The following CHST9 variants were observed in gnomAD, a reference collection of about 807,000 sequenced individuals.
CHST9 encodes the protein carbohydrate sulfotransferase 9, also known as GalNAc-4-sulfotransferase 2.
Under a neutral mutation model 44.4 loss-of-function variants are expected in CHST9, and 41 were observed. The ratio of observed to expected loss-of-function variants is 0.92; its 90% CI spans 0.72 to 1.20. The LOEUF (loss-of-function observed/expected upper bound fraction) is 1.20. Among genes scored for constraint, CHST9 ranks in the 50% most tolerant of loss-of-function variants. The pLI, the probability that CHST9 is intolerant of heterozygous loss-of-function variation, is 0.00. For missense variants in CHST9, 504 were observed against 516.5 expected (o/e 0.98, Z 0.23); for synonymous variants, 171 against 178.4 (o/e 0.96, Z 0.33).
chr18:27,157,338 G>T (rs896450349), intron 1 of CHST9, among the ~76,000 whole-genome samples: 1 of 152,104 alleles, frequency 6.6e-6, no homozygotes, highest in Non-Finnish European at 1.5e-5. Flanking sequence ...CTAGAAGTAT[G>T]TGTATATTCT....
intron 2 of CHST9, among the ~76,000 whole-genome samples, chr18:27,054,202 CT>C (rs1422230962): frequency 2.6e-5 from 4 of 152,102 alleles, no homozygotes; most frequent in African/African-American, 9.7e-5. Context: ...AAGAATAGAG[CT>C]TTTAGCAGGT....
intron 4 of CHST9, among the ~76,000 whole-genome samples, chr18:27,005,898 GA>G (rs1029155679): frequency 6.6e-6 from 1 of 152,152 alleles, no homozygotes; most frequent in Non-Finnish European, 1.5e-5. Context: ...CCACTTCTGG[GA>G]TGGAAACAAA....
chr18:27,072,803 C>T (rs1568160892), intron 2 of CHST9, among the ~76,000 whole-genome samples: 1 of 152,050 alleles, frequency 6.6e-6, no homozygotes, highest in Non-Finnish European at 1.5e-5. Flanking sequence ...AGAAGTATGC[C>T]TTATTAAGAC....
At chr18:27,157,279 C>G (rs1248299646) in intron 1 of CHST9, among the ~76,000 whole-genome samples, 1 of 151,994 alleles carries the variant, frequency 6.6e-6, no homozygotes, top group Admixed American at 6.6e-5. Flanking sequence ...TAATACTGCT[C>G]TCCATACAAC....
intron 1 of CHST9, among the ~76,000 whole-genome samples, chr18:27,184,287 G>T (rs1039185334): frequency 1.3e-5 from 2 of 152,160 alleles, no homozygotes; most frequent in East Asian, 3.9e-4. Flanking sequence ...CGCAGAGAGA[G>T]AGAAAGGAGG....
At chr18:27,129,131 A>C (rs2058450578) in intron 2 of CHST9, among the ~76,000 whole-genome samples, 1 of 151,618 alleles carries the variant, frequency 6.6e-6, no homozygotes, top group African/African-American at 2.4e-5. Flanking sequence ...TAGCACACAC[A>C]CACAAAATGT....
chr18:27,089,188 C>T (rs549750886), intron 2 of CHST9, among the ~76,000 whole-genome samples: 35 of 152,070 alleles, frequency 2.3e-4, no homozygotes, highest in East Asian at 1.2e-3. Context: ...ATGTGCACAA[C>T]GTGCAGGTTT....
At chr18:27,000,630 A>G (rs1014149887) in intron 4 of CHST9, among the ~76,000 whole-genome samples, 20 of 150,466 alleles carry the variant, frequency 1.3e-4, no homozygotes, top group Non-Finnish European at 2.7e-4. Context: ...TTGTCTATCT[A>G]TCTATCTATC....
At chr18:26,988,257 G>A (rs551931440) in intron 4 of CHST9, among the ~76,000 whole-genome samples, 1 of 152,054 alleles carries the variant, frequency 6.6e-6, no homozygotes, top group Non-Finnish European at 1.5e-5. Context: ...TCAATTAAAA[G>A]ATATTTATGT....
chr18:26,944,660 G>T (rs1199578826), intron 4 of CHST9, among the ~76,000 whole-genome samples: 3 of 152,136 alleles, frequency 2.0e-5, no homozygotes, highest in Non-Finnish European at 4.4e-5. Context: ...AGATGAAAAG[G>T]ACCGAAGAAA....
chr18:26,937,979 A>G (rs1023927591), intron 5 of CHST9, among the ~76,000 whole-genome samples: 9 of 152,200 alleles, frequency 5.9e-5, no homozygotes, highest in African/African-American at 1.9e-4. Flanking sequence ...GCACTGAGTG[A>G]TTAGCACAAT....
chr18:27,035,880 C>T (rs1296204974), intron 3 of CHST9, among the ~76,000 whole-genome samples: 1 of 151,924 alleles, frequency 6.6e-6, no homozygotes, highest in African/African-American at 2.4e-5. Context: ...GTGTTCTCAA[C>T]ACACACACAT....
In CHST9 at chr18:26,914,071, A is replaced by G. The variant is rs1490183916; in HGVS notation, c.*2188T>C. 1 of 152,142 alleles carries G rather than the reference A, an allele frequency of 6.6e-6. No homozygotes were observed. Among genetic ancestry groups the G allele is most frequent in the Non-Finnish European group, 1.5e-5 (1 of 68,028 alleles). 9.4% of individuals were successfully genotyped at this position (152,142 alleles called of 1,614,324 possible). A position where few individuals can be genotyped will look rare whatever the true frequency, so the allele number is the denominator to read the frequency against. On this transcript the variant is annotated 3_prime_UTR_variant, in exon 6 of 6. Coordinates refer to ENST00000618847, the MANE Select transcript of CHST9 (RefSeq NM_031422.6). ...GCTCGTTGGAAAGGGTCAGGAAAGG[A>G]ACATATACAGCAAAAGGTACAATAC...
intron 5 of CHST9, chr18:26,928,540 G>A (rs1327689650): frequency 3.9e-5 from 6 of 152,214 alleles, no homozygotes; most frequent in Non-Finnish European, 7.3e-5. Flanking sequence ...CAGACCTTAA[G>A]TCAAGGGTTG....
intron 2 of CHST9, among the ~76,000 whole-genome samples, chr18:27,111,814 A>C (rs1164844197): frequency 6.6e-6 from 1 of 152,192 alleles, no homozygotes; most frequent in Non-Finnish European, 1.5e-5. Flanking sequence ...GAGGGCCTGA[A>C]TAGCACAAAA....
At chr18:26,978,123 A>C (rs183707828) in intron 4 of CHST9, among the ~76,000 whole-genome samples, 155 of 146,512 alleles carry the variant, frequency 1.1e-3, no homozygotes, top group Non-Finnish European at 1.8e-3. Flanking sequence ...AATTTTGTTC[A>C]AAGTGGAAAA....
intron 4 of CHST9, among the ~76,000 whole-genome samples, chr18:26,994,696 T>A (rs564228912): frequency 1.2e-3 from 185 of 152,176 alleles, no homozygotes; most frequent in African/African-American, 4.2e-3. Flanking sequence ...TTCAAGTGAT[T>A]CTTTGCCTCA....
chr18:27,038,471 G>A (rs774422472), intron 3 of CHST9, among the ~76,000 whole-genome samples: 51 of 152,190 alleles, frequency 3.4e-4, no homozygotes, highest in African/African-American at 1.1e-3. Context: ...ACTTGAACTC[G>A]GGAGGTGAAG....
intron 3 of CHST9, among the ~76,000 whole-genome samples, chr18:27,046,432 A>G (rs982449736): frequency 4.1e-4 from 63 of 152,118 alleles, no homozygotes; most frequent in African/African-American, 1.5e-3. Flanking sequence ...ATGGTCCAGA[A>G]CCTAATATTG....
Sources: allele counts gnomAD v4.1 joint callset (sites outside exome capture counted in the v4.1 genomes callset), GRCh38; gene constraint gnomAD v4.1.1; transcripts MANE v1.5; gene names NCBI Gene and HGNC (gene_info 2026-07-23, HGNC 2026-07-21).